NRXN2: variants seen among roughly 807,000 people sequenced by gnomAD.
NRXN2 encodes neurexin-2-beta.
A neutral mutation model predicts 128.8 loss-of-function variants in NRXN2; 29 were observed. The ratio of observed to expected loss-of-function variants is 0.23; its 90% CI spans 0.17 to 0.31. The LOEUF (loss-of-function observed/expected upper bound fraction) is 0.31. NRXN2 is among the 10% of genes least tolerant of loss of function. The pLI is 1.00. For synonymous variants in NRXN2, 1,098 were observed against 1,075.2 expected, an observed-to-expected ratio of 1.02 and a Z score of -0.41; for missense variants, 1,881 against 2,452.6, an observed-to-expected ratio of 0.77 and a Z score of 4.92.
intron 6 of NRXN2, among the ~76,000 whole-genome samples, chr11:64,679,980 C>T (rs2051966124): frequency 6.6e-6 from 1 of 152,144 alleles, no homozygotes; most frequent in Admixed American, 6.5e-5. Flanking sequence ...GCAACAAAGG[C>T]TTTATCCCAC....
rs1391670936 is a variant in NRXN2, at chr11:64,631,879, G to A, written c.3586-1306C>T. Among the ~76,000 whole-genome samples the A allele has an allele frequency of 2.6e-5, 4 of 152,148 alleles. No homozygotes were observed. Among genetic ancestry groups the A allele is most frequent in the Admixed American group, 6.5e-5 (1 of 15,276 alleles). ...GCACCTCCCAGCAGCACTCCTGAAC[G>A]CGGTCTCAGCCCTCCTCCCACACGG... On this transcript the variant is annotated intron_variant, in intron 18 of 22. Transcript: ENST00000265459. This position sits in a 1 kb window ranked among gnomAD's most constrained non-coding sequence, Gnocchi z 4.8.
chr11:64,620,212 G>A, intron 22 of NRXN2, 82 bp downstream of exon 22: 2 of 1,135,566 alleles, frequency 1.8e-6, no homozygotes, highest in East Asian at 2.6e-5. Flanking sequence ...CTGGGGCTTG[G>A]GCCAGGTGGC....
chr11:64,630,279 C>T lies in NRXN2; in HGVS notation c.3757+123G>A. 1 of 908,028 alleles carries T rather than the reference C, an allele frequency of 1.1e-6. No homozygotes were observed. The highest frequency in any genetic ancestry group is 1.8e-5 in the South Asian group (1 of 56,790). 56.2% of individuals were successfully genotyped at this position (908,028 alleles called of 1,614,324 possible). On this transcript the variant is annotated intron_variant, in intron 19 of 22. Transcript: ENST00000265459. This position sits in a 1 kb window ranked among gnomAD's most constrained non-coding sequence, Gnocchi z 4.6. ...GCAAGCTTCGTCTCTCCAGTAGCCCCGCCCCAGAGCCGCTTAGCCCCGCCC... is the reference window on the plus strand; with the variant it reads ...GCAAGCTTCGTCTCTCCAGTAGCCCTGCCCCAGAGCCGCTTAGCCCCGCCC...
chr11:64,622,875 C>G lies in NRXN2; in HGVS notation c.4051G>C (p.Glu1351Gln). 6.2e-7 allele frequency: 1 copy of G among 1,612,968 alleles called. No individual in the cohort carries two copies. Among genetic ancestry groups the G allele is most frequent in the Non-Finnish European group, 8.5e-7 (1 of 1,179,888 alleles). ...GEGPSVLLSA[E>Q]TTATTLLADM... ...GCCAGCAGGGTGGTGGCCGTGGTCTCCGCACTGAGCAGCACGGACGGCCCC... is the reference window on the plus strand; with the variant it reads ...GCCAGCAGGGTGGTGGCCGTGGTCTGCGCACTGAGCAGCACGGACGGCCCC... Residue 1351 changes from glutamate to glutamine, a missense_variant, in exon 21 of 23, where the codon GAG becomes CAG. Physicochemically the swap from Glu to Gln is conservative, Grantham distance 29. Transcript: ENST00000265459. The surrounding 1 kb of genome is among the most constrained non-coding windows in gnomAD (Gnocchi z 4.3).
rs547276603 is a variant in NRXN2, at chr11:64,627,171, G to A, written c.3758-619C>T. Among the ~76,000 whole-genome samples the A allele has an allele frequency of 5.3e-5, 8 of 151,396 alleles. No homozygotes were observed. The East Asian group carries it at 7.8e-4, about 15-fold the overall frequency. ...CACCTCATACCACACCTATGACCCC[G>A]CCACCTCATACCACACCCATGACCC... On this transcript the variant is annotated intron_variant, in intron 19 of 22. Coordinates refer to ENST00000265459, the MANE Select transcript of NRXN2 (RefSeq NM_015080.4).
chr11:64,692,741 G>A (rs2135588237), intron 4 of NRXN2, 106 bp downstream of exon 4: 2 of 1,207,714 alleles, frequency 1.7e-6, no homozygotes, highest in Admixed American at 1.7e-5. Flanking sequence ...GTCAGGACAG[G>A]TGGAGGAGGG....
chr11:64,630,346 C>T lies in NRXN2; in HGVS notation c.3757+56G>A, dbSNP rs1044460666. ...CGCCCCGGTGCGGCCGCACTCCTAT[C>T]AGAGGCCGCCACCCGCCCCGCCACC... On this transcript the variant is annotated intron_variant, in intron 19 of 22. Transcript: ENST00000265459. The surrounding 1 kb of genome is among the most constrained non-coding windows in gnomAD (Gnocchi z 4.6). 2 of 1,473,358 alleles carry T rather than the reference C, an allele frequency of 1.4e-6. No homozygotes were observed. The highest frequency in any genetic ancestry group is 1.8e-6 in the Non-Finnish European group (2 of 1,091,552). 91.3% of individuals were successfully genotyped at this position (1,473,358 alleles called of 1,614,324 possible). A position where few individuals can be genotyped will look rare whatever the true frequency, so the allele number is the denominator to read the frequency against.
Position 64,623,300 on chromosome 11 carries a change from G to T in NRXN2, c.3848-222C>A. ...CAGCCAGGTGGGGACCCCAGAAGGG[G>T]AGGGCACCCAGGGTACACATGGGCT... On this transcript the variant is annotated intron_variant, in intron 20 of 22. Coordinates refer to ENST00000265459, the MANE Select transcript of NRXN2 (RefSeq NM_015080.4). The surrounding 1 kb of genome is among the most constrained non-coding windows in gnomAD (Gnocchi z 4.9). 2 of 732,094 alleles carry T rather than the reference G, an allele frequency of 2.7e-6. No individual in the cohort carries two copies. Among genetic ancestry groups the T allele is most frequent in the Non-Finnish European group, 4.3e-6 (2 of 461,238 alleles). 45.3% of individuals were successfully genotyped at this position (732,094 alleles called of 1,614,324 possible).
At chr11:64,615,853 T>C (rs58559730) in intron 22 of NRXN2, among the ~76,000 whole-genome samples, 4 of 93,704 alleles carry the variant, frequency 4.3e-5, no homozygotes, top group East Asian at 6.4e-4. Context: ...TGTGTGTGTG[T>C]GTGTGTGTGT....
At position 64,648,652 on chromosome 11, in the gene NRXN2, G is replaced by T. The variant is rs2047051645; in HGVS notation, c.3283+82C>A. 2 of 1,576,678 alleles carry T rather than the reference G, an allele frequency of 1.3e-6. No individual in the cohort carries two copies. Among genetic ancestry groups the T allele is most frequent in the Non-Finnish European group, 1.7e-6 (2 of 1,148,314 alleles). ...AAGGAAGGCCCCTTGGCAGAGCAAA[G>T]GCTACCTGCCCCGGTCTGCCTCTGC... On this transcript the variant is annotated intron_variant, in intron 16 of 22. Coordinates refer to ENST00000265459, the MANE Select transcript of NRXN2 (RefSeq NM_015080.4). The surrounding 1 kb of genome is among the most constrained non-coding windows in gnomAD (Gnocchi z 4.1).
chr11:64,703,458 G>A (rs1417972025), intron 2 of NRXN2, among the ~76,000 whole-genome samples: 1 of 152,178 alleles, frequency 6.6e-6, no homozygotes, highest in Non-Finnish European at 1.5e-5. Flanking sequence ...CTGCTAGTTA[G>A]TGACAGTCAA....
intron 7 of NRXN2, among the ~76,000 whole-genome samples, chr11:64,673,341 C>T (rs2050869186): frequency 6.6e-6 from 1 of 152,126 alleles, no homozygotes; most frequent in Non-Finnish European, 1.5e-5. Context: ...TGCTTTATAT[C>T]CACCCTCTCC....
At chr11:64,608,415 CAG>C (rs2040058287) in intron 22 of NRXN2, among the ~76,000 whole-genome samples, 1 of 150,682 alleles carries the variant, frequency 6.6e-6, no homozygotes, top group African/African-American at 2.4e-5. Context: ...GCTTTAAAAA[CAG>C]ATACAACAGC....
intron 22 of NRXN2, among the ~76,000 whole-genome samples, chr11:64,619,665 C>T (rs1037242597): frequency 2.6e-5 from 4 of 152,184 alleles, no homozygotes; most frequent in Non-Finnish European, 5.9e-5. Context: ...CCCTAATATT[C>T]CCCAGGAGAC....
In NRXN2 at chr11:64,622,146, G is replaced by A. The variant is rs1393229320; in HGVS notation, c.4173+607C>T. On this transcript the variant is annotated intron_variant, in intron 21 of 22. Transcript: ENST00000265459. This position sits in a 1 kb window ranked among gnomAD's most constrained non-coding sequence, Gnocchi z 4.3. ...ACACTGAAGCTGCCTGAGTTGTGGT[G>A]CCTGCTCATAGTCACATGGAGAGGG... is the stretch of plus-strand genomic sequence containing the variant. Among the ~76,000 whole-genome samples the A allele has an allele frequency of 6.6e-6, 1 of 152,210 alleles. No individual in the cohort carries two copies. Among genetic ancestry groups the A allele is most frequent in the Admixed American group, 6.5e-5 (1 of 15,286 alleles).
At chr11:64,650,743 G>C in intron 14 of NRXN2, 105 bp from the exon 15 acceptor site, 1 of 1,138,624 alleles carries the variant, frequency 8.8e-7, no homozygotes, top group Non-Finnish European at 1.3e-6. Context: ...GCCATGGGAA[G>C]AGGGATTGAA....
intron 4 of NRXN2, among the ~76,000 whole-genome samples, chr11:64,691,908 A>AC (rs1213227395): frequency 3.3e-5 from 5 of 152,006 alleles, no homozygotes; most frequent in South Asian, 4.2e-4. Context: ...CTGTAAGATG[A>AC]CCCCCCCACA....
intron 4 of NRXN2, among the ~76,000 whole-genome samples, chr11:64,691,077 A>G (rs2053749458): frequency 6.6e-6 from 1 of 152,128 alleles, no homozygotes; most frequent in Non-Finnish European, 1.5e-5. Flanking sequence ...TTCATTCACC[A>G]CAGTGAGTGC....
chr11:64,608,497 T>C (rs2040088723), intron 22 of NRXN2, among the ~76,000 whole-genome samples: 1 of 129,300 alleles, frequency 7.7e-6, no homozygotes, highest in Non-Finnish European at 1.5e-5. Context: ...TTTTTTGCTT[T>C]TTTTTTTTTT....
Sources: allele counts gnomAD v4.1 joint callset (sites outside exome capture counted in the v4.1 genomes callset), GRCh38; gene constraint gnomAD v4.1.1; non-coding constraint Gnocchi (gnomAD v3.1); transcripts MANE v1.5; gene names NCBI Gene and HGNC (gene_info 2026-07-23, HGNC 2026-07-21).